The following WAC variants were observed in gnomAD, a reference collection of about 807,000 sequenced individuals.
The protein encoded by WAC is WW domain-containing adapter protein with coiled-coil.
Under a neutral mutation model 79.6 loss-of-function variants are expected in WAC, and 11 were observed. That is an observed-to-expected ratio of 0.14 (90% CI 0.09 to 0.23). WAC has a LOEUF of 0.23. Ranked by LOEUF, WAC falls within the 10% of genes least tolerant of loss-of-function variation. The pLI, the probability that WAC is intolerant of heterozygous loss-of-function variation, is 1.00. For missense variants in WAC, 728 were observed against 773.5 expected (o/e 0.94, Z 0.70); for synonymous variants, 304 against 276.9 (o/e 1.10, Z -0.97).
At chr10:28,548,247 C>T (rs1241493983) in intron 3 of WAC, among the ~76,000 whole-genome samples, 2 of 152,078 alleles carry the variant, frequency 1.3e-5, no homozygotes, top group Non-Finnish European at 2.9e-5. Flanking sequence ...TCTAAAGACC[C>T]TGGACAATAC....
At chr10:28,588,474 T>C (rs1049562570) in intron 4 of WAC, among the ~76,000 whole-genome samples, 4 of 152,190 alleles carry the variant, frequency 2.6e-5, no homozygotes, top group African/African-American at 9.7e-5. Context: ...GTGGAAATAA[T>C]AGGCATTTGG....
At chr10:28,577,387 C>T (rs1441058516) in intron 3 of WAC, among the ~76,000 whole-genome samples, 7 of 152,056 alleles carry the variant, frequency 4.6e-5, no homozygotes, top group Admixed American at 4.6e-4. Flanking sequence ...CTTGTCTGTG[C>T]TATTCAAGTT....
At chr10:28,566,898 T>A (rs977025641) in intron 3 of WAC, among the ~76,000 whole-genome samples, 5 of 151,806 alleles carry the variant, frequency 3.3e-5, no homozygotes, top group African/African-American at 1.2e-4. Context: ...CAGATTCAGA[T>A]CTTCTTTTAT....
Position 28,590,769 on chromosome 10 carries a change from A to G in WAC, c.547A>G (p.Lys183Glu). 6.2e-7 allele frequency: 1 copy of G among 1,612,276 alleles called. No individual in the cohort carries two copies. Among genetic ancestry groups the G allele is most frequent in the Non-Finnish European group, 8.5e-7 (1 of 1,179,588 alleles). Reference protein sequence around the residue: ...ANKMAVNSFPKDRDYRREVMQ... With the variant: ...ANKMAVNSFPEDRDYRREVMQ... ...CAAGATGGCAGTCAACAGCTTCCCA[A>G]AAGATAGGGATTACAGAAGAGAGGT... The change falls in exon 6 of 14, where the codon AAA becomes GAA. Residue 183 changes from lysine (K) to glutamate (E), a missense_variant. This residue lies in a region of WAC where 648 missense variants were observed against 661.5 expected (regional missense o/e 0.98). Transcript: ENST00000354911.
At chr10:28,550,306 G>A (rs752851518) in intron 3 of WAC, among the ~76,000 whole-genome samples, 4 of 141,844 alleles carry the variant, frequency 2.8e-5, no homozygotes, top group Non-Finnish European at 4.6e-5. Context: ...TTTTTTTTAT[G>A]CTGTTGTCCC....
chr10:28,562,762 A>T (rs1271008212), intron 3 of WAC, among the ~76,000 whole-genome samples: 1 of 152,352 alleles, frequency 6.6e-6, no homozygotes, highest in Non-Finnish European at 1.5e-5. Context: ...TAGTGCATTA[A>T]TGACAGTGAT....
At chr10:28,561,560 G>C (rs1416398805) in intron 3 of WAC, among the ~76,000 whole-genome samples, 1 of 151,962 alleles carries the variant, frequency 6.6e-6, no homozygotes, top group Non-Finnish European at 1.5e-5. Context: ...AATGGAATTT[G>C]ACCCTGTGGG....
intron 3 of WAC, among the ~76,000 whole-genome samples, chr10:28,544,404 G>C (rs184519186): frequency 1.4e-4 from 21 of 152,214 alleles, no homozygotes; most frequent in Admixed American, 9.8e-4. Context: ...TCAGGCACTC[G>C]CTAGCTAGAT....
At chr10:28,555,635 CTA>C (rs1837940011) in intron 3 of WAC, among the ~76,000 whole-genome samples, 1 of 152,132 alleles carries the variant, frequency 6.6e-6, no homozygotes, top group Non-Finnish European at 1.5e-5. Context: ...AAACCAACTG[CTA>C]TGGTTTGAGT....
chr10:28,593,875 C>G (rs1037147047), intron 6 of WAC, among the ~76,000 whole-genome samples: 1 of 152,032 alleles, frequency 6.6e-6, no homozygotes, highest in African/African-American at 2.4e-5. Context: ...GTTGATGGCT[C>G]TATGTTTAGA....
chr10:28,567,914 C>T lies in WAC; in HGVS notation c.275-15485C>T, dbSNP rs111721464. On this transcript the variant is annotated intron_variant, in intron 3 of 13. Transcript: ENST00000354911. Reference sequence around the variant, plus strand: ...AGACTAAAGGCAGGTACCACCACACCGTTGTAGAGATGGGGGTCTCGCTAT... The same window carrying T: ...AGACTAAAGGCAGGTACCACCACACTGTTGTAGAGATGGGGGTCTCGCTAT... 7.1e-3 allele frequency among the ~76,000 whole-genome samples: 1,079 copies of T among 152,132 alleles called. 12 individuals carry two copies. Among genetic ancestry groups the T allele is most frequent in the African/African-American group, 0.025 (1,042 of 41,500 alleles).
In WAC at chr10:28,533,469, G is replaced by A. The variant is rs1342658936; in HGVS notation, c.-111G>A. ...ATGAGAGTCGCCGAGGGCGCGCCGG[G>A]CCCAGGTGCCGGGGCTGCCCGCCGC... is the stretch of plus-strand genomic sequence containing the variant. On this transcript the variant is annotated 5_prime_UTR_variant, in exon 1 of 14. Coordinates refer to ENST00000354911, the MANE Select transcript of WAC (RefSeq NM_016628.5). 29 of 523,806 alleles carry A rather than the reference G, an allele frequency of 5.5e-5. 1 individual carries two copies. Among genetic ancestry groups the A allele is most frequent in the Non-Finnish European group, 6.5e-5 (26 of 402,200 alleles). The allele number at this position is 523,806 out of a possible 1,614,324, so 32.4% of individuals were successfully genotyped here.
chr10:28,534,270 AT>A lies in WAC; in HGVS notation c.78+237del. ...GAGTTCGCTGATTTAGGAAAAAAGA[AT>A]CATTTGCAGCCAGAAAGACCTGACT... is the stretch of plus-strand genomic sequence containing the variant. On this transcript the variant is annotated intron_variant, in intron 2 of 13. Coordinates refer to ENST00000354911, the MANE Select transcript of WAC (RefSeq NM_016628.5). 3 of 440,304 alleles carry A rather than the reference AT, an allele frequency of 6.8e-6. 1 individual carries two copies. In the South Asian group the frequency reaches 1.6e-4, roughly 23 times the overall value. 27.3% of individuals were successfully genotyped at this position (440,304 alleles called of 1,614,324 possible).
rs1482533261 is a variant in WAC, at chr10:28,619,522, G to C, written c.1875-15G>C. 2 of 1,545,672 alleles carry C rather than the reference G, an allele frequency of 1.3e-6. No individual in the cohort carries two copies. The highest frequency in any genetic ancestry group is 1.4e-5 in the African/African-American group (1 of 70,522). ...TATATGTACACAGGTTCTAATGTCTGCTTTTTTTTTTCAGGATACTATTTT... is the reference window on the plus strand; with the variant it reads ...TATATGTACACAGGTTCTAATGTCTCCTTTTTTTTTTCAGGATACTATTTT... On this transcript the variant is annotated splice_polypyrimidine_tract_variant and intron_variant, in intron 13 of 13. Transcript: ENST00000354911.
At chr10:28,596,237 CAG>C (rs1206429978) in intron 7 of WAC, among the ~76,000 whole-genome samples, 196 bp downstream of exon 7, 2 of 152,130 alleles carry the variant, frequency 1.3e-5, no homozygotes, top group African/African-American at 2.4e-5. Flanking sequence ...TATCCAGCCT[CAG>C]AACTGTTTCT....
intron 11 of WAC, 109 bp from the exon 12 acceptor site, chr10:28,616,064 G>A: frequency 2.3e-6 from 2 of 876,322 alleles, no homozygotes; most frequent in Non-Finnish European, 3.3e-6. Context: ...ATTTTTCTTA[G>A]GAATTTGGAT....
In WAC at chr10:28,563,744, C is replaced by CTTTTTTTTTTTTTTTTTTTT. The variant is rs71281550; in HGVS notation, c.275-19645_275-19626dup. Among the ~76,000 whole-genome samples, 100 of 67,892 alleles carry CTTTTTTTTTTTTTTTTTTTT rather than the reference C, an allele frequency of 1.5e-3. 13 individuals carry two copies. The highest frequency in any genetic ancestry group is 2.8e-3 in the South Asian group (4 of 1,444). 44.5% of individuals were successfully genotyped at this position (67,892 alleles called of 152,430 possible). On this transcript the variant is annotated intron_variant, in intron 3 of 13. Coordinates refer to ENST00000354911, the MANE Select transcript of WAC (RefSeq NM_016628.5). ...ACAAGTGCATGCTGCCTACACCCAG[C>CTTTTTTTTTTTTTTTTTTTT]TTTTTTTTTTTTTTTTTTTTTTTTT...
intron 6 of WAC, among the ~76,000 whole-genome samples, chr10:28,592,675 C>CT (rs1156997480): frequency 2.0e-5 from 3 of 151,950 alleles, no homozygotes; most frequent in Non-Finnish European, 4.4e-5. Flanking sequence ...ATAAAAATAA[C>CT]TTTTTAACTT....
intron 3 of WAC, among the ~76,000 whole-genome samples, chr10:28,572,548 ACACCT>A (rs1564394019): frequency 1.3e-5 from 2 of 152,088 alleles, no homozygotes; most frequent in Non-Finnish European, 2.9e-5. Context: ...GTGGTGGCTC[ACACCT>A]GTAATCCCAC....
Sources: gnomAD v4.1 joint callset for allele counts (sites outside exome capture counted in the v4.1 genomes callset) on GRCh38, gnomAD v4.1.1 for gene constraint, gnomAD v4.1.1 regional missense constraint, MANE v1.5 for transcripts, NCBI Gene and HGNC (gene_info 2026-07-23, HGNC 2026-07-21) for gene names.